Variants in DIP2A observed in about 807,000 individuals in gnomAD.
DIP2A encodes the protein disco-interacting protein 2 homolog A.
A neutral mutation model predicts 177.4 loss-of-function variants in DIP2A; 85 were observed. The observed-to-expected ratio is 0.48, with a 90% CI of 0.40 to 0.57. The LOEUF (loss-of-function observed/expected upper bound fraction) is 0.57. Ranked by LOEUF, DIP2A falls within the 20% of genes least tolerant of loss-of-function variation. The pLI is 0.00. For synonymous variants in DIP2A, 886 were observed against 881.8 expected, an observed-to-expected ratio of 1.00 and a Z score of -0.08; for missense variants, 1,791 against 2,100.2, an observed-to-expected ratio of 0.85 and a Z score of 2.88.
intron 1 of DIP2A, among the ~76,000 whole-genome samples, chr21:46,464,513 A>G (rs1438640257): frequency 6.6e-6 from 1 of 152,234 alleles, no homozygotes; most frequent in East Asian, 1.9e-4. Flanking sequence ...CACCACATAT[A>G]GGTAATTTAC....
intron 20 of DIP2A, among the ~76,000 whole-genome samples, chr21:46,546,595 TC>T (rs1227936112): frequency 1.3e-5 from 2 of 152,192 alleles, no homozygotes; most frequent in African/African-American, 4.8e-5. Context: ...ACAACTCGTT[TC>T]CCACTTGTGA....
chr21:46,558,375 C>T lies in DIP2A; in HGVS notation c.3951C>T (p.Asn1317=), dbSNP rs373831138. The part of the protein sequence containing the change: ...AVSTTFGCRV[N]VAICLQGTAG... The stretch of plus-strand genomic sequence containing the variant: ...GCACCACGTTCGGGTGCAGGGTCAA[C>T]GTGGCCATCTGCCTCCAGGTGAGGT... The change falls in exon 32 of 38, where the codon AAC becomes AAT. Residue 1317 remains asparagine (N), a synonymous_variant. Coordinates refer to ENST00000417564, the MANE Select transcript of DIP2A (RefSeq NM_015151.4). 36 of 1,591,228 alleles carry T rather than the reference C, an allele frequency of 2.3e-5. No individual in the cohort carries two copies. The African/African-American group carries it at 3.2e-4, about 14-fold the overall frequency.
intron 22 of DIP2A, 118 bp downstream of exon 22, chr21:46,550,003 T>C: frequency 6.5e-7 from 1 of 1,529,678 alleles, no homozygotes; most frequent in South Asian, 1.2e-5. Flanking sequence ...CCAGCTTTGT[T>C]TATCTGTATT....
At chr21:46,538,266 A>G (rs1311390497) in intron 15 of DIP2A, among the ~76,000 whole-genome samples, 1 of 152,186 alleles carries the variant, frequency 6.6e-6, no homozygotes, top group African/African-American at 2.4e-5. Context: ...TTTGATGTCT[A>G]AATTGTACCT....
intron 6 of DIP2A, among the ~76,000 whole-genome samples, chr21:46,506,056 G>A (rs567219758): frequency 6.6e-6 from 1 of 152,212 alleles, no homozygotes; most frequent in African/African-American, 2.4e-5. Context: ...GCATAGATGG[G>A]TACTTTCATT....
intron 8 of DIP2A, among the ~76,000 whole-genome samples, chr21:46,524,618 G>C (rs2058982885): frequency 6.6e-6 from 1 of 152,162 alleles, no homozygotes; most frequent in South Asian, 2.1e-4. Flanking sequence ...AGTCAGTGTA[G>C]TAAAGTGAAA....
At chr21:46,519,345 G>C (rs1410366730) in intron 8 of DIP2A, among the ~76,000 whole-genome samples, 1 of 152,164 alleles carries the variant, frequency 6.6e-6, no homozygotes, top group Non-Finnish European at 1.5e-5. Flanking sequence ...TGGGGGTGCA[G>C]CCCAGCAGAT....
intron 22 of DIP2A, 67 bp downstream of exon 22, chr21:46,549,952 G>C (rs2060211406): frequency 1.3e-6 from 2 of 1,594,852 alleles, no homozygotes; most frequent in African/African-American, 1.3e-5. Flanking sequence ...TCCACTCCAA[G>C]TGCCAAGTGG....
At chr21:46,561,966 G>A (rs2060680150) in intron 34 of DIP2A, 161 bp downstream of exon 34, 1 of 954,868 alleles carries the variant, frequency 1.0e-6, no homozygotes, top group African/African-American at 1.8e-5. Context: ...CCTCCTTTGT[G>A]GCTGGTATAT....
rs553861337 is a variant in DIP2A at position 46,477,690 on chromosome 21, C to T, written c.92-7067C>T. On this transcript the variant is annotated intron_variant, in intron 1 of 37. Coordinates refer to ENST00000417564, the MANE Select transcript of DIP2A (RefSeq NM_015151.4). ...CCTGGTTCAAGTGATTCTCCTGCCT[C>T]AGCCTCCTGAGTAGCTGGGATTACA... 1.7e-3 allele frequency among the ~76,000 whole-genome samples: 255 copies of T among 150,508 alleles called. 3 individuals are homozygous for T. The highest frequency in any genetic ancestry group is 5.9e-3 in the African/African-American group (240 of 40,982).
the DIP2A span, among the ~76,000 whole-genome samples, chr21:46,580,986 G>T: frequency 3.9e-5 from 6 of 152,074 alleles, no homozygotes; most frequent in Non-Finnish European, 7.3e-5. Context: ...TTGAATGTTG[G>T]CCTGTCTTGC....
At position 46,539,858 on chromosome 21, in the gene DIP2A, C is replaced by G. The variant is rs1445937597; in HGVS notation, c.1922-19C>G. ...CCCCCCAGTTAGTGCTGGCGTTCCA[C>G]TCTTGTTGCTCTGTGCAGGGTCGAT... On this transcript the variant is annotated intron_variant, in intron 16 of 37. Transcript: ENST00000417564. 1.2e-6 allele frequency: 2 copies of G among 1,602,702 alleles called. No homozygotes were observed. Among genetic ancestry groups the G allele is most frequent in the Non-Finnish European group, 1.7e-6 (2 of 1,169,736 alleles).
chr21:46,575,407 C>T, the DIP2A span, among the ~76,000 whole-genome samples: 19 of 152,172 alleles, frequency 1.2e-4, no homozygotes, highest in Admixed American at 7.9e-4. Flanking sequence ...CCACTCAACA[C>T]AGAACTGGAA....
intron 18 of DIP2A, among the ~76,000 whole-genome samples, chr21:46,542,399 A>G (rs2148821229): frequency 6.6e-6 from 1 of 152,338 alleles, no homozygotes; most frequent in East Asian, 1.9e-4. Flanking sequence ...GAAAATGGTA[A>G]TGTTTGTGAA....
At chr21:46,550,442 C>T (rs2060229168) in intron 22 of DIP2A, 101 bp from the exon 23 acceptor site, 4 of 1,143,196 alleles carry the variant, frequency 3.5e-6, no homozygotes, top group Non-Finnish European at 5.0e-6. Context: ...CATTTCCTGG[C>T]CTGGGGAACA....
intron 4 of DIP2A, among the ~76,000 whole-genome samples, chr21:46,497,740 G>C (rs554825190): frequency 2.0e-5 from 3 of 152,064 alleles, no homozygotes; most frequent in Non-Finnish European, 4.4e-5. Flanking sequence ...CCCATTTTTG[G>C]TTTGAGGTAT....
In DIP2A at chr21:46,569,661, A is replaced by C. The variant is rs1296190894; in HGVS notation, c.*2039A>C. On this transcript the variant is annotated 3_prime_UTR_variant, in exon 38 of 38. Coordinates refer to ENST00000417564, the MANE Select transcript of DIP2A (RefSeq NM_015151.4). Reference sequence around the variant, plus strand: ...TTACTCTGGGAATTCTGTATATCACACTAAAATTTTTATATCATTATGTTA... The same window carrying C: ...TTACTCTGGGAATTCTGTATATCACCCTAAAATTTTTATATCATTATGTTA... The C allele has an allele frequency of 6.6e-6, 1 of 152,196 alleles. No homozygotes were observed. Among genetic ancestry groups the C allele is most frequent in the African/African-American group, 2.4e-5 (1 of 41,462 alleles). The allele number at this position is 152,196 out of a possible 1,614,324, so 9.4% of individuals were successfully genotyped here.
chr21:46,497,153 C>T (rs2057403171), intron 4 of DIP2A, 46 bp downstream of exon 4: 1 of 1,594,488 alleles, frequency 6.3e-7, no homozygotes, highest in Non-Finnish European at 8.5e-7. Flanking sequence ...GAGTGTTTCA[C>T]AGGCCTGATG....
chr21:46,554,138 A>C (rs112031596), intron 25 of DIP2A, 31 bp from the exon 26 acceptor site: 3 of 1,588,040 alleles, frequency 1.9e-6, no homozygotes, highest in Non-Finnish European at 8.6e-7. Flanking sequence ...ACGCACCAGC[A>C]TACAGATGAG....
Sources: allele counts gnomAD v4.1 joint callset (sites outside exome capture counted in the v4.1 genomes callset), GRCh38; gene constraint gnomAD v4.1.1; transcripts MANE v1.5; gene names NCBI Gene and HGNC (gene_info 2026-07-23, HGNC 2026-07-21).